The following ETNK1 variants were observed in gnomAD, a reference collection of about 807,000 sequenced individuals.
The protein encoded by ETNK1 is putative protein product of Nbla10396.
In ETNK1, 8 loss-of-function variants were observed where a neutral mutation model predicts 45.1. That is an observed-to-expected ratio of 0.18 (90% CI 0.10 to 0.32). The LOEUF (loss-of-function observed/expected upper bound fraction) is 0.32. Among genes scored for constraint, ETNK1 ranks in the 10% least tolerant of loss-of-function variants. ETNK1 has a pLI of 1.00. For missense variants in ETNK1, 302 were observed against 430.6 expected (o/e 0.70, Z 2.64); for synonymous variants, 152 against 151.9 (o/e 1.00, Z -0.01).
Position 22,625,755 on chromosome 12 carries a change from C to T in ETNK1, c.156+169C>T. The T allele has an allele frequency of 5.0e-6, 5 of 1,007,738 alleles. No homozygotes were observed. The South Asian group carries it at 6.9e-5, about 14-fold the overall frequency. The allele number at this position is 1,007,738 out of a possible 1,614,324, so 62.4% of individuals were successfully genotyped here. ...TCCCCTCACACCTAGGAGGGTCACTCCCCCTTCCCGTCGCAGTTGCTCTTT... is the reference window on the plus strand; with the variant it reads ...TCCCCTCACACCTAGGAGGGTCACTTCCCCTTCCCGTCGCAGTTGCTCTTT... On this transcript the variant is annotated intron_variant, in intron 1 of 7. Transcript: ENST00000266517.
chr12:22,644,410 T>A, intron 2 of ETNK1: 1 of 1,237,866 alleles, frequency 8.1e-7, no homozygotes, highest in South Asian at 3.0e-5. Context: ...TTAATTTGGT[T>A]AACAATTCTT....
At chr12:22,651,393 G>T (rs923900883) in intron 2 of ETNK1, among the ~76,000 whole-genome samples, 1 of 152,026 alleles carries the variant, frequency 6.6e-6, no homozygotes, top group South Asian at 2.1e-4. Flanking sequence ...ACAGCTGCTG[G>T]CATTCACTCA....
chr12:22,650,940 G>A (rs1246621065), intron 2 of ETNK1, among the ~76,000 whole-genome samples: 1 of 152,096 alleles, frequency 6.6e-6, no homozygotes, highest in Non-Finnish European at 1.5e-5. Context: ...ATTTACCATT[G>A]AAGCAGCATT....
intron 6 of ETNK1, among the ~76,000 whole-genome samples, chr12:22,676,893 A>G (rs1055545570): frequency 6.6e-6 from 1 of 151,296 alleles, no homozygotes; most frequent in Non-Finnish European, 1.5e-5. Context: ...AGTTTTTTGT[A>G]GATTCTGGAT....
At chr12:22,672,820 C>G (rs1403609294) in intron 5 of ETNK1, among the ~76,000 whole-genome samples, 1 of 152,114 alleles carries the variant, frequency 6.6e-6, no homozygotes, top group African/African-American at 2.4e-5. Flanking sequence ...CCTTGGATGG[C>G]AAGATAGTAT....
intron 1 of ETNK1, among the ~76,000 whole-genome samples, chr12:22,635,861 A>G (rs1490684881): frequency 1.3e-5 from 2 of 152,178 alleles, no homozygotes; most frequent in African/African-American, 4.8e-5. Flanking sequence ...AATGAAGCCC[A>G]TAGTCAATTT....
At chr12:22,627,754 T>G (rs1953522921) in intron 1 of ETNK1, among the ~76,000 whole-genome samples, 1 of 152,152 alleles carries the variant, frequency 6.6e-6, no homozygotes, top group African/African-American at 2.4e-5. Context: ...AGCCTGTTTT[T>G]TTCTCAGTTT....
intron 4 of ETNK1, among the ~76,000 whole-genome samples, chr12:22,662,753 A>G (rs1285582001): frequency 6.6e-6 from 1 of 152,196 alleles, no homozygotes; most frequent in Non-Finnish European, 1.5e-5. Flanking sequence ...TTTTGAATCA[A>G]AATTGTGCTG....
chr12:22,637,039 C>G (rs1953664556), intron 1 of ETNK1, among the ~76,000 whole-genome samples: 1 of 152,150 alleles, frequency 6.6e-6, no homozygotes, highest in Non-Finnish European at 1.5e-5. Flanking sequence ...CTAGAGTGCT[C>G]TCTCCTGTCT....
At chr12:22,684,294 G>A (rs1254593354) in intron 6 of ETNK1, among the ~76,000 whole-genome samples, 189 bp from the exon 7 acceptor site, 3 of 152,040 alleles carry the variant, frequency 2.0e-5, no homozygotes, top group African/African-American at 7.2e-5. Context: ...TGGTGTTGAC[G>A]AAAGTGATCT....
intron 6 of ETNK1, among the ~76,000 whole-genome samples, chr12:22,683,650 C>T (rs573254199): frequency 3.3e-5 from 5 of 152,014 alleles, no homozygotes; most frequent in Non-Finnish European, 5.9e-5. Context: ...ATTAAGAATT[C>T]TTTTTGGTAT....
In ETNK1 at chr12:22,625,507, A is replaced by C; in HGVS notation, c.77A>C (p.Glu26Ala). The change falls in exon 1 of 8, where the codon GAG (glutamate) becomes GCG (alanine). Residue 26 changes from glutamate (E) to alanine (A), a missense_variant. By Grantham distance (107) the Glu-to-Ala change is moderately radical. This residue lies in a region of ETNK1 where 205 missense variants were observed against 259.9 expected (regional missense o/e 0.79). Transcript: ENST00000266517. ...KLNVTVQDQE[E>A]HRCREGALSL... ...AACGTCACCGTTCAGGATCAGGAGG[A>C]GCATCGCTGCCGGGAGGGGGCCCTG... 3 of 1,606,348 alleles carry C rather than the reference A, an allele frequency of 1.9e-6. No individual in the cohort carries two copies. Among genetic ancestry groups the C allele is most frequent in the Non-Finnish European group, 2.5e-6 (3 of 1,177,026 alleles).
At chr12:22,668,476 C>T (rs1954076347) in intron 4 of ETNK1, among the ~76,000 whole-genome samples, 1 of 152,042 alleles carries the variant, frequency 6.6e-6, no homozygotes, top group Non-Finnish European at 1.5e-5. Context: ...GGTTGAGTTC[C>T]ACTTTGTTTG....
chr12:22,642,665 CCT>C (rs1953754288), intron 1 of ETNK1, among the ~76,000 whole-genome samples: 1 of 151,322 alleles, frequency 6.6e-6, no homozygotes, highest in Admixed American at 6.6e-5. Flanking sequence ...AAATATTTAC[CCT>C]CTTTCTTAAG....
At chr12:22,664,955 G>T (rs946384812) in intron 4 of ETNK1, among the ~76,000 whole-genome samples, 5 of 151,960 alleles carry the variant, frequency 3.3e-5, no homozygotes, top group Non-Finnish European at 2.9e-5. Flanking sequence ...ACAAATTTTA[G>T]GCAAACTTCT....
At chr12:22,639,427 A>T (rs1223219004) in intron 1 of ETNK1, among the ~76,000 whole-genome samples, 1 of 152,152 alleles carries the variant, frequency 6.6e-6, no homozygotes, top group Non-Finnish European at 1.5e-5. Flanking sequence ...ATGTAATCCT[A>T]GCACTTTGGG....
At chr12:22,633,857 C>T (rs940460590) in intron 1 of ETNK1, among the ~76,000 whole-genome samples, 13 of 152,016 alleles carry the variant, frequency 8.6e-5, no homozygotes, top group Non-Finnish European at 1.8e-4. Context: ...TTTTTTCACA[C>T]ACTCTAAAGG....
intron 2 of ETNK1, chr12:22,656,651 G>C (rs1953944892): frequency 2.0e-6 from 2 of 985,344 alleles, no homozygotes; most frequent in Non-Finnish European, 2.4e-6. Context: ...AGAAGTCATG[G>C]AGTTCTGACA....
rs911799023 is a variant in ETNK1 at position 22,686,587 on chromosome 12, A to T, written c.*1633A>T. ...GGTAAATTCTAGTTACATAAATATA[A>T]TCTTAAAGTATGTTTGTATCTGTAA... On this transcript the variant is annotated 3_prime_UTR_variant, in exon 8 of 8. Coordinates refer to ENST00000266517, the MANE Select transcript of ETNK1 (RefSeq NM_018638.5). 2.6e-5 allele frequency: 4 copies of T among 152,326 alleles called. No individual in the cohort carries two copies. The highest frequency in any genetic ancestry group is 9.7e-5 in the African/African-American group (4 of 41,424). 9.4% of individuals were successfully genotyped at this position (152,326 alleles called of 1,614,324 possible).
Sources: allele counts gnomAD v4.1 joint callset (sites outside exome capture counted in the v4.1 genomes callset), GRCh38; gene constraint gnomAD v4.1.1; regional missense constraint gnomAD v4.1.1; transcripts MANE v1.5; gene names NCBI Gene and HGNC (gene_info 2026-07-23, HGNC 2026-07-21).